Variants in ZNF469 observed in about 807,000 individuals in gnomAD.
The protein encoded by ZNF469 is zinc finger protein 469.
ZNF469 carries 1 observed loss-of-function variant against 1.0 expected under a neutral mutation model. The observed-to-expected ratio is 1.00, with a 90% CI of 0.35 to 4.73. The LOEUF is 4.73. Ranked by LOEUF, ZNF469 falls within the 30% of genes most tolerant of loss-of-function variation. The pLI is 0.16. For synonymous variants in ZNF469, 2,703 were observed against 2,363.4 expected (o/e 1.14, Z -4.17); for missense variants, 6,100 against 5,356.3 (o/e 1.14, Z -4.33).
At position 88,437,714 on chromosome 16, in the gene ZNF469, A is replaced by G. The variant is rs1366753658; in HGVS notation, c.10244A>G (p.Lys3415Arg). 3.9e-6 allele frequency: 6 copies of G among 1,549,844 alleles called. No homozygotes were observed. Among genetic ancestry groups the G allele is most frequent in the Non-Finnish European group, 5.2e-6 (6 of 1,146,630 alleles). Residue 3415 changes from lysine (K) to arginine (R), a missense_variant, in exon 3 of 3, where the codon AAG becomes AGG. Physicochemically the swap from Lys to Arg is conservative, Grantham distance 26. Transcript: ENST00000565624. ...TGCGCCACGGTTATGCGCATCATCA[A>G]GAAGTCCTTCGCCTGCAGCTCCTGC... The part of the protein sequence containing the change: ...ELCATVMRII[K>R]KSFACSSCNY...
chr16:88,433,364 C>G lies in ZNF469; in HGVS notation c.5894C>G (p.Thr1965Arg), dbSNP rs1906337745. 2 of 1,550,186 alleles carry G rather than the reference C, an allele frequency of 1.3e-6. No homozygotes were observed. The highest frequency in any genetic ancestry group is 2.7e-5 in the African/African-American group (2 of 73,038). ...GGCTCCCCAGGGGGTGTGCAGGTGA[C>G]AACTCTCCCTGCAGTGGCCGGACAT... ...AQGSPGGVQV[T>R]TLPAVAGHQL... The change falls in exon 3 of 3, where the codon ACA becomes AGA. Residue 1965 changes from threonine to arginine, a missense_variant. Thr to Arg is a moderately conservative substitution (Grantham distance 71). Transcript: ENST00000565624.
At chr16:88,193,152 GA>G in the ZNF469 span, among the ~76,000 whole-genome samples, 5 of 14,838 alleles carry the variant, frequency 3.4e-4, 1 homozygote, top group Non-Finnish European at 6.7e-4. Flanking sequence ...TGGTGGTGGG[GA>G]TGGTGGTGAT....
the ZNF469 span, among the ~76,000 whole-genome samples, chr16:88,227,012 G>A: frequency 2.0e-4 from 22 of 107,464 alleles, no homozygotes; most frequent in East Asian, 1.0e-3. Flanking sequence ...TGCCTCCTCC[G>A]CGCCGGGGCC....
the ZNF469 span, among the ~76,000 whole-genome samples, chr16:88,184,953 C>T: frequency 6.6e-6 from 1 of 152,106 alleles, no homozygotes; most frequent in Admixed American, 6.5e-5. Flanking sequence ...CTCATGTGAA[C>T]ACACTCATGC....
intron 1 of ZNF469, among the ~76,000 whole-genome samples, chr16:88,416,485 T>G (rs1383302526): frequency 6.6e-6 from 1 of 151,962 alleles, no homozygotes; most frequent in Non-Finnish European, 1.5e-5. Context: ...GTGATCTTAG[T>G]GGTGTGTGAC....
At chr16:88,335,233 T>G in the ZNF469 span, among the ~76,000 whole-genome samples, 13 of 152,204 alleles carry the variant, frequency 8.5e-5, no homozygotes, top group African/African-American at 3.1e-4. Context: ...AGAGCTTAAC[T>G]GTAGGGTCAG....
chr16:88,185,469 C>G, the ZNF469 span, among the ~76,000 whole-genome samples: 2 of 135,400 alleles, frequency 1.5e-5, no homozygotes, highest in Admixed American at 7.2e-5. Context: ...GACCCACACT[C>G]ACACATTTGC....
At chr16:88,192,468 G>A in the ZNF469 span, among the ~76,000 whole-genome samples, 2 of 152,212 alleles carry the variant, frequency 1.3e-5, no homozygotes, top group African/African-American at 2.4e-5. Flanking sequence ...GAAAATGGGA[G>A]GTCCTCTGTC....
intron 1 of ZNF469, among the ~76,000 whole-genome samples, chr16:88,390,711 G>T (rs1307023869): frequency 1.3e-5 from 2 of 152,234 alleles, no homozygotes; most frequent in Non-Finnish European, 2.9e-5. Flanking sequence ...AGGGAGACAG[G>T]CCAGTGTGTG....
chr16:88,192,370 C>T, the ZNF469 span: 1 of 152,118 alleles, frequency 6.6e-6, no homozygotes, highest in Non-Finnish European at 1.5e-5. Context: ...CGGAAAACAC[C>T]CCCTTGGTAA....
the ZNF469 span, among the ~76,000 whole-genome samples, chr16:88,374,357 A>C: frequency 6.6e-6 from 1 of 152,196 alleles, no homozygotes; most frequent in Non-Finnish European, 1.5e-5. Flanking sequence ...GGATTCCAGG[A>C]AGGAGAAACA....
intron 1 of ZNF469, among the ~76,000 whole-genome samples, chr16:88,404,652 A>T (rs1227564123): frequency 2.0e-5 from 3 of 152,148 alleles, no homozygotes; most frequent in African/African-American, 7.2e-5. Flanking sequence ...AAATGAGTGC[A>T]TGTGCTGGTG....
the ZNF469 span, among the ~76,000 whole-genome samples, chr16:88,360,147 C>A: frequency 6.6e-6 from 1 of 151,932 alleles, no homozygotes; most frequent in Admixed American, 6.6e-5. Context: ...AGAAACCACA[C>A]CCGGCTGGGA....
the ZNF469 span, among the ~76,000 whole-genome samples, chr16:88,240,581 G>T: frequency 6.6e-6 from 1 of 152,180 alleles, no homozygotes; most frequent in Non-Finnish European, 1.5e-5. Context: ...GCATCAACCA[G>T]AGAGCGAGAG....
At chr16:88,101,710 C>T in the ZNF469 span, among the ~76,000 whole-genome samples, 1 of 152,160 alleles carries the variant, frequency 6.6e-6, no homozygotes, top group African/African-American at 2.4e-5. Flanking sequence ...GAACTAGGCT[C>T]TCCTCAATCC....
chr16:88,417,373 C>T (rs1333250850), intron 1 of ZNF469, among the ~76,000 whole-genome samples: 5 of 152,188 alleles, frequency 3.3e-5, no homozygotes, highest in South Asian at 2.1e-4. Context: ...AAGGCACCCC[C>T]GTCTTTGGAT....
the ZNF469 span, among the ~76,000 whole-genome samples, chr16:88,197,959 C>G: frequency 6.6e-6 from 1 of 152,250 alleles, no homozygotes. Flanking sequence ...CCACAACCCT[C>G]TACTCATTAG....
the ZNF469 span, among the ~76,000 whole-genome samples, chr16:88,340,155 C>T: frequency 1.3e-5 from 2 of 152,188 alleles, no homozygotes; most frequent in Non-Finnish European, 2.9e-5. Context: ...ATGGCTGAGC[C>T]GGCACAGAGG....
chr16:88,291,519 C>A, the ZNF469 span, among the ~76,000 whole-genome samples: 1 of 152,206 alleles, frequency 6.6e-6, no homozygotes, highest in Admixed American at 6.5e-5. Context: ...TCTTGTTTTA[C>A]AGATGAAGAC....
Sources: allele counts gnomAD v4.1 joint callset (sites outside exome capture counted in the v4.1 genomes callset), GRCh38; gene constraint gnomAD v4.1.1; transcripts MANE v1.5; gene names NCBI Gene and HGNC (gene_info 2026-07-23, HGNC 2026-07-21).